PTPRN2: variants seen among roughly 807,000 people sequenced by gnomAD.
The protein encoded by PTPRN2 is protein tyrosine phosphatase receptor type N2.
In PTPRN2, 74 loss-of-function variants were observed where a neutral mutation model predicts 118.8. The observed-to-expected ratio is 0.62, with a 90% CI of 0.52 to 0.76. PTPRN2 has a LOEUF of 0.76. PTPRN2 is among the 30% of genes least tolerant of loss of function. PTPRN2 has a pLI of 0.00. For synonymous variants in PTPRN2, 641 were observed against 608.0 expected (o/e 1.05, Z -0.80); for missense variants, 1,481 against 1,394.4 (o/e 1.06, Z -0.99).
At chr7:157,565,565 T>A (rs1026614843) in intron 21 of PTPRN2, among the ~76,000 whole-genome samples, 1 of 152,210 alleles carries the variant, frequency 6.6e-6, no homozygotes, top group African/African-American at 2.4e-5. Flanking sequence ...TCTCAGCCAC[T>A]GCATTTCTGT....
chr7:157,921,669 C>A (rs1371586940), intron 11 of PTPRN2, among the ~76,000 whole-genome samples: 1 of 152,238 alleles, frequency 6.6e-6, no homozygotes, highest in Non-Finnish European at 1.5e-5. Context: ...TCTCATTATA[C>A]ATGCTCATTG....
At chr7:157,775,417 T>G (rs995467941) in intron 12 of PTPRN2, among the ~76,000 whole-genome samples, 1 of 152,202 alleles carries the variant, frequency 6.6e-6, no homozygotes, top group Non-Finnish European at 1.5e-5. Flanking sequence ...GCAACCAGCA[T>G]GGACAGGGCC....
chr7:157,659,352 G>C (rs1211847072), intron 13 of PTPRN2, among the ~76,000 whole-genome samples: 8 of 87,170 alleles, frequency 9.2e-5, no homozygotes, highest in Non-Finnish European at 1.9e-4. Context: ...TGCGGGGATG[G>C]GGGGGGACGA....
At chr7:158,175,803 A>C (rs187432730) in intron 5 of PTPRN2, among the ~76,000 whole-genome samples, 1 of 152,310 alleles carries the variant, frequency 6.6e-6, no homozygotes, top group East Asian at 1.9e-4. Flanking sequence ...TAGCGAGTTG[A>C]CAGTATCACG....
chr7:157,862,743 A>G (rs1200690886), intron 12 of PTPRN2: 2 of 150,192 alleles, frequency 1.3e-5, no homozygotes, highest in African/African-American at 5.1e-5. Flanking sequence ...CCGGCCTGCA[A>G]CGCCTTTAGA....
chr7:158,108,597 A>G (rs1223985085), intron 10 of PTPRN2, among the ~76,000 whole-genome samples: 1 of 152,086 alleles, frequency 6.6e-6, no homozygotes, highest in East Asian at 1.9e-4. Context: ...GTACCCTAGG[A>G]ACGGTGTGGG....
At chr7:158,387,701 T>C (rs1395613568) in intron 2 of PTPRN2, among the ~76,000 whole-genome samples, 1 of 152,138 alleles carries the variant, frequency 6.6e-6, no homozygotes, top group Non-Finnish European at 1.5e-5. Context: ...TGCTGGATGG[T>C]CTCATCCAGG....
intron 14 of PTPRN2, among the ~76,000 whole-genome samples, chr7:157,637,244 C>G (rs1183485190): frequency 1.3e-5 from 2 of 152,252 alleles, no homozygotes; most frequent in East Asian, 3.9e-4. Context: ...CCAAACAGAT[C>G]ATAGGAAAAG....
At chr7:157,776,088 C>CCTCCTCTCCCCCTCCTCT (rs1803199515) in intron 12 of PTPRN2, among the ~76,000 whole-genome samples, 1 of 149,380 alleles carries the variant, frequency 6.7e-6, no homozygotes, top group African/African-American at 2.5e-5. Flanking sequence ...TCTCTTCCTC[C>CCTCCTCTCCCCCTCCTCT]CTCCTCTCCA....
chr7:158,270,833 T>TCCACCTG (rs1798344975), intron 3 of PTPRN2, among the ~76,000 whole-genome samples: 1 of 5,944 alleles, frequency 1.7e-4, no homozygotes, highest in Admixed American at 1.3e-3. Flanking sequence ...TCCACCTGGA[T>TCCACCTG]GACCCCCTCA....
chr7:157,804,132 C>T (rs1007762607), intron 12 of PTPRN2, among the ~76,000 whole-genome samples: 12 of 152,156 alleles, frequency 7.9e-5, no homozygotes, highest in Admixed American at 2.6e-4. Flanking sequence ...AAGAAACAGG[C>T]GCAAGCCCTT....
At chr7:158,366,103 T>TAGG (rs1809479710) in intron 2 of PTPRN2, among the ~76,000 whole-genome samples, 1 of 116,888 alleles carries the variant, frequency 8.6e-6, no homozygotes, top group African/African-American at 3.4e-5. Flanking sequence ...ACAGCATCCC[T>TAGG]AGAAGCTGCA....
intron 9 of PTPRN2, among the ~76,000 whole-genome samples, chr7:158,128,698 C>T (rs1288238691): frequency 6.6e-6 from 1 of 152,128 alleles, no homozygotes; most frequent in African/African-American, 2.4e-5. Context: ...CCCTAGCAAA[C>T]CACACCGGCC....
chr7:158,069,529 A>T (rs1328389332), intron 11 of PTPRN2, among the ~76,000 whole-genome samples: 2 of 143,478 alleles, frequency 1.4e-5, no homozygotes, highest in African/African-American at 5.3e-5. Flanking sequence ...AAGTGCTGAG[A>T]TGACAGGCTC....
At chr7:158,378,501 C>T (rs1869291) in intron 2 of PTPRN2, among the ~76,000 whole-genome samples, 132,661 of 152,210 alleles carry the variant, frequency 0.87, 58,255 homozygotes, top group East Asian at 0.99. Flanking sequence ...AGCCCCCTGT[C>T]CTCTCCCCAC....
At chr7:158,165,085 C>T (rs80089299) in intron 6 of PTPRN2, among the ~76,000 whole-genome samples, 1 of 152,120 alleles carries the variant, frequency 6.6e-6, no homozygotes, top group South Asian at 2.1e-4. Context: ...CATTCAGTAC[C>T]CACGAAAGCG....
chr7:158,065,201 C>G lies in PTPRN2; in HGVS notation c.1723+16097G>C, dbSNP rs538265083. Among the ~76,000 whole-genome samples, 100 of 152,338 alleles carry G rather than the reference C, an allele frequency of 6.6e-4. 1 individual carries two copies. Among genetic ancestry groups the G allele is most frequent in the Non-Finnish European group, 1.2e-3 (84 of 68,044 alleles). On this transcript the variant is annotated intron_variant, in intron 11 of 22. Coordinates refer to ENST00000389418, the MANE Select transcript of PTPRN2 (RefSeq NM_002847.5). ...GGAACCATGCAGTTCACCAGGAACA[C>G]CAACGTCTCTCCTGGTCATGGGCCC...
intron 9 of PTPRN2, among the ~76,000 whole-genome samples, chr7:158,113,739 G>A (rs982952624): frequency 9.9e-5 from 15 of 152,102 alleles, no homozygotes; most frequent in Non-Finnish European, 2.9e-5. Flanking sequence ...CATGGGCCTC[G>A]CACCTGCAAC....
chr7:158,375,194 G>A (rs2151327859), intron 2 of PTPRN2, among the ~76,000 whole-genome samples: 1 of 152,330 alleles, frequency 6.6e-6, no homozygotes, highest in Middle Eastern at 3.4e-3. Flanking sequence ...TGGCAGCACT[G>A]GGCCTCCCCA....
Sources: gnomAD v4.1 joint callset for allele counts (sites outside exome capture counted in the v4.1 genomes callset) on GRCh38, gnomAD v4.1.1 for gene constraint, MANE v1.5 for transcripts, NCBI Gene and HGNC (gene_info 2026-07-23, HGNC 2026-07-21) for gene names.